The following SKP1 variants were observed in gnomAD, a reference collection of about 807,000 sequenced individuals.
SKP1 encodes the protein S-phase kinase-associated protein 1.
In SKP1, 1 loss-of-function variant was observed where a neutral mutation model predicts 21.5. The observed-to-expected ratio is 0.05, with a 90% confidence interval of 0.02 to 0.22. The LOEUF (loss-of-function observed/expected upper bound fraction) is 0.22. Ranked by LOEUF, SKP1 falls within the 10% of genes least tolerant of loss-of-function variation. The pLI, the probability that SKP1 is intolerant of heterozygous loss-of-function variation, is 1.00. For synonymous variants in SKP1, 59 were observed against 59.3 expected (o/e 0.99, Z 0.03); for missense variants, 70 against 192.0 (o/e 0.36, Z 3.76).
intron 2 of SKP1, among the ~76,000 whole-genome samples, chr5:134,172,139 A>G (rs954125186): frequency 5.3e-5 from 8 of 152,270 alleles, no homozygotes; most frequent in African/African-American, 1.7e-4. Flanking sequence ...ATGTTCCCAC[A>G]GCGCCACTTG....
chr5:134,173,782 G>GT (rs34997854), intron 2 of SKP1, 144 bp downstream of exon 2: 15,040 of 707,022 alleles, frequency 0.021, 232 homozygotes, highest in Non-Finnish European at 0.029. Context: ...TCAGAAAAAT[G>GT]TAAGTTATAA....
intron 1 of SKP1, chr5:134,175,176 T>C (rs913100857): frequency 1.3e-5 from 2 of 152,248 alleles, no homozygotes; most frequent in Non-Finnish European, 2.9e-5. Flanking sequence ...AAAATATTCA[T>C]TCAGCTTCTC....
chr5:134,167,897 G>C (rs1018730622), intron 2 of SKP1, among the ~76,000 whole-genome samples: 1 of 152,232 alleles, frequency 6.6e-6, no homozygotes, highest in Non-Finnish European at 1.5e-5. Context: ...TTTATTATAA[G>C]GGACTTGAGT....
At chr5:134,170,982 GTTT>G in intron 2 of SKP1, 1 of 452,966 alleles carries the variant, frequency 2.2e-6, no homozygotes, top group Non-Finnish European at 4.4e-6. Flanking sequence ...ATTGCTTTCA[GTTT>G]TTTTTAGTGA....
At position 134,157,712 on chromosome 5, in the gene SKP1, T is replaced by C. The variant is rs1239919584; in HGVS notation, c.*21A>G. On this transcript the variant is annotated 3_prime_UTR_variant, in exon 6 of 6. Transcript: ENST00000353411. ...GTATTTGGAACAATCCTTACAGTGT[T>C]ACAGTGTCAGGCACAACATTTCACT... The C allele has an allele frequency of 5.0e-6, 8 of 1,591,792 alleles. No individual in the cohort carries two copies. Among genetic ancestry groups the C allele is most frequent in the Non-Finnish European group, 6.9e-6 (8 of 1,160,128 alleles).
Position 134,167,247 on chromosome 5 carries a change from A to G in SKP1, c.98-4T>C. 1 of 1,580,842 alleles carries G rather than the reference A, an allele frequency of 6.3e-7. No individual in the cohort carries two copies. The highest frequency in any genetic ancestry group is 1.3e-5 in the African/African-American group (1 of 74,264). Reference sequence around the variant, plus strand: ...CCTTCATCATCCATTCCCAAATCTAAGAAAACCAGAAGAAAGTTTCTATTT... The same window carrying G: ...CCTTCATCATCCATTCCCAAATCTAGGAAAACCAGAAGAAAGTTTCTATTT... On this transcript the variant is annotated splice_polypyrimidine_tract_variant and splice_region_variant and intron_variant, in intron 2 of 5. Transcript: ENST00000353411.
intron 5 of SKP1, chr5:134,158,175 T>C: frequency 3.6e-6 from 5 of 1,389,558 alleles, no homozygotes; most frequent in Non-Finnish European, 4.7e-6. Flanking sequence ...ATGTATGGTC[T>C]ATACAGAAAG....
At chr5:134,159,199 T>C (rs1761173179) in intron 4 of SKP1, among the ~76,000 whole-genome samples, 1 of 152,206 alleles carries the variant, frequency 6.6e-6, no homozygotes, top group South Asian at 2.1e-4. Flanking sequence ...ATCTCACCGA[T>C]TTTTCATGTG....
chr5:134,174,765 A>G (rs1280767433), intron 1 of SKP1: 1 of 152,060 alleles, frequency 6.6e-6, no homozygotes, highest in African/African-American at 2.4e-5. Flanking sequence ...ATAATCTTAC[A>G]TAAAAAGTTA....
chr5:134,173,721 A>C (rs185749491), intron 2 of SKP1: 1 of 664,094 alleles, frequency 1.5e-6, no homozygotes, highest in Non-Finnish European at 2.8e-6. Flanking sequence ...TATCCATTTA[A>C]TGAGAGAACG....
Position 134,149,816 on chromosome 5 carries a change from A to G in SKP1, c.*7917T>C, listed in dbSNP as rs1761016567. The G allele has an allele frequency of 6.6e-6, 1 of 151,580 alleles. No individual in the cohort carries two copies. Among genetic ancestry groups the G allele is most frequent in the African/African-American group, 2.4e-5 (1 of 41,230 alleles). The allele number at this position is 151,580 out of a possible 1,614,324, so 9.4% of individuals were successfully genotyped here. A position where few individuals can be genotyped will look rare whatever the true frequency, so the allele number is the denominator to read the frequency against. The stretch of plus-strand genomic sequence containing the variant: ...TGCAGTCTTTGTGTATTGGCGGGGA[A>G]GTCTTTGGCAACTCTGTTTAAATCA... On this transcript the variant is annotated 3_prime_UTR_variant, in exon 6 of 6. Coordinates refer to ENST00000353411, the MANE Select transcript of SKP1 (RefSeq NM_170679.3).
Position 134,149,179 on chromosome 5 carries a change from G to C in SKP1, c.*8554C>G, listed in dbSNP as rs901484588. 6.6e-6 allele frequency: 1 copy of C among 152,204 alleles called. No homozygotes were observed. The highest frequency in any genetic ancestry group is 1.5e-5 in the Non-Finnish European group (1 of 68,048). 9.4% of individuals were successfully genotyped at this position (152,204 alleles called of 1,614,324 possible). On this transcript the variant is annotated 3_prime_UTR_variant, in exon 6 of 6. Transcript: ENST00000353411. Reference sequence around the variant, plus strand: ...CTCACCCAAACAGTGTACTGTGCACGTAAGTAGTGTACATTGTACTCAACA... The same window carrying C: ...CTCACCCAAACAGTGTACTGTGCACCTAAGTAGTGTACATTGTACTCAACA...
rs747546593 is a variant in SKP1, at chr5:134,163,212, C to CA, written c.172-2083dup. Among the ~76,000 whole-genome samples the CA allele has an allele frequency of 1.5e-3, 108 of 70,084 alleles. 3 individuals carry two copies. Among genetic ancestry groups the CA allele is most frequent in the East Asian group, 7.1e-3 (20 of 2,828 alleles). 46.0% of individuals were successfully genotyped at this position (70,084 alleles called of 152,430 possible). ...CCTGAGCAAGAGAGTGCGATTCTGT[C>CA]AAAAAAAAAAAAAAAAAATCACTAT... On this transcript the variant is annotated intron_variant, in intron 3 of 5. Transcript: ENST00000353411.
At chr5:134,169,154 C>A (rs1031768945) in intron 2 of SKP1, among the ~76,000 whole-genome samples, 4 of 152,174 alleles carry the variant, frequency 2.6e-5, no homozygotes. Flanking sequence ...GTCAACAGGT[C>A]TAGATAAGAA....
intron 2 of SKP1, chr5:134,173,461 A>G: frequency 3.2e-6 from 1 of 307,972 alleles, no homozygotes; most frequent in South Asian, 3.0e-5. Flanking sequence ...ACTGCACTCC[A>G]GCCTGGACAA....
chr5:134,156,080 G>C lies in SKP1; in HGVS notation c.*1653C>G, dbSNP rs1580923192. The C allele has an allele frequency of 6.6e-6, 1 of 151,730 alleles. No individual in the cohort carries two copies. Among genetic ancestry groups the C allele is most frequent in the Non-Finnish European group, 1.5e-5 (1 of 67,998 alleles). 9.4% of individuals were successfully genotyped at this position (151,730 alleles called of 1,614,324 possible). ...CAAAATGTTGAGATTACAGGCATAAGCCACCATGCCCAGCTGCTAAGGATA... is the reference window on the plus strand; with the variant it reads ...CAAAATGTTGAGATTACAGGCATAACCCACCATGCCCAGCTGCTAAGGATA... On this transcript the variant is annotated 3_prime_UTR_variant, in exon 6 of 6. Coordinates refer to ENST00000353411, the MANE Select transcript of SKP1 (RefSeq NM_170679.3).
At chr5:134,162,068 A>C (rs1434971270) in intron 3 of SKP1, among the ~76,000 whole-genome samples, 1 of 152,282 alleles carries the variant, frequency 6.6e-6, no homozygotes, top group East Asian at 1.9e-4. Context: ...CAAAAAAAAA[A>C]AAAGAAAGAA....
At chr5:134,172,606 G>A (rs1761462973) in intron 2 of SKP1, among the ~76,000 whole-genome samples, 1 of 152,020 alleles carries the variant, frequency 6.6e-6, no homozygotes, top group Non-Finnish European at 1.5e-5. Context: ...TGGCAGAGTG[G>A]CTCATGCCTG....
chr5:134,160,150 G>A (rs1413850895), intron 4 of SKP1, among the ~76,000 whole-genome samples: 1 of 151,642 alleles, frequency 6.6e-6, no homozygotes, highest in Non-Finnish European at 1.5e-5. Flanking sequence ...GAGGTCAGGA[G>A]TTCAAGACCA....
Sources: allele counts gnomAD v4.1 joint callset (sites outside exome capture counted in the v4.1 genomes callset), GRCh38; gene constraint gnomAD v4.1.1; transcripts MANE v1.5; gene names NCBI Gene and HGNC (gene_info 2026-07-23, HGNC 2026-07-21).